STARD9: variants seen among roughly 807,000 people sequenced by gnomAD.
STARD9 encodes stAR-related lipid transfer protein 9.
A neutral mutation model predicts 399.8 loss-of-function variants in STARD9; 346 were observed. That is an observed-to-expected ratio of 0.87 (90% confidence interval 0.79 to 0.95). The LOEUF (loss-of-function observed/expected upper bound fraction) is 0.95, where lower values mean the gene tolerates loss of function less well. STARD9 is among the 40% of genes least tolerant of loss of function. STARD9 has a pLI of 0.00. For missense variants in STARD9, 5,832 were observed against 5,667.5 expected (o/e 1.03, Z -0.93); for synonymous variants, 2,203 against 2,143.5 (o/e 1.03, Z -0.77).
intron 26 of STARD9, among the ~76,000 whole-genome samples, chr15:42,700,015 A>T (rs528134561): frequency 1.3e-5 from 2 of 152,188 alleles, no homozygotes; most frequent in Non-Finnish European, 2.9e-5. Context: ...TAGATTCCGC[A>T]TATGAGTAAG....
chr15:42,691,805 G>C lies in STARD9; in HGVS notation c.10227G>C (p.Met3409Ile), dbSNP rs1383624635. The C allele has an allele frequency of 4.6e-6, 7 of 1,537,222 alleles. No homozygotes were observed. The highest frequency in any genetic ancestry group is 1.4e-5 in the African/African-American group (1 of 73,156). Residue 3409 changes from methionine to isoleucine, a missense_variant, in exon 23 of 33, where the codon ATG (methionine) becomes ATC (isoleucine). Physicochemically the swap from Met to Ile is conservative, Grantham distance 10. Transcript: ENST00000290607. Reference protein sequence around the residue: ...HLKPATPPYPMPSTLSHMPTP... With the variant: ...HLKPATPPYPIPSTLSHMPTP... ...AGCCTGCCACCCCTCCTTATCCAAT[G>C]CCTTCCACTCTCTCACACATGCCAA...
At chr15:42,577,017 C>T (rs1449816216) in intron 1 of STARD9, among the ~76,000 whole-genome samples, 1 of 152,142 alleles carries the variant, frequency 6.6e-6, no homozygotes, top group African/African-American at 2.4e-5. Context: ...TTTATAAGTG[C>T]AGATGCTATG....
rs12594837 is a variant in STARD9, at chr15:42,685,092, C to G, written c.3514C>G (p.Arg1172Gly). ...AGGGGGCAATCGTCCCACCAACAAC[C>G]GTGGCCAACCCAGGACCAGAACTAG... ...RLGGNRPTNNRGQPRTRTRAS... is the reference protein window; with the variant it reads ...RLGGNRPTNNGGQPRTRTRAS... The change falls in exon 23 of 33, where the codon CGT (arginine) becomes GGT (glycine). Residue 1172 changes from arginine to glycine, a missense_variant. Transcript: ENST00000290607. 61 of 1,537,078 alleles carry G rather than the reference C, an allele frequency of 4.0e-5. No individual in the cohort carries two copies. The highest frequency in any genetic ancestry group is 4.8e-5 in the Non-Finnish European group (55 of 1,146,932).
At chr15:42,596,812 T>G (rs1181065700) in intron 3 of STARD9, among the ~76,000 whole-genome samples, 1 of 152,226 alleles carries the variant, frequency 6.6e-6, no homozygotes, top group Admixed American at 6.5e-5. Flanking sequence ...TTAAAATATT[T>G]TGCTTAAAGG....
At chr15:42,665,067 G>C (rs1344336131) in intron 13 of STARD9, among the ~76,000 whole-genome samples, 186 bp from the exon 14 acceptor site, 1 of 152,108 alleles carries the variant, frequency 6.6e-6, no homozygotes, top group Non-Finnish European at 1.5e-5. Context: ...GGGCCAAACT[G>C]TGCGTTTCTA....
chr15:42,625,645 C>CTTTTTT (rs757765153), intron 3 of STARD9, among the ~76,000 whole-genome samples: 1 of 24,282 alleles, frequency 4.1e-5, no homozygotes, highest in East Asian at 2.1e-3. Context: ...TTTCTTCTTC[C>CTTTTTT]TATTTTTTTT....
At chr15:42,580,035 G>A (rs1349677103) in intron 1 of STARD9, among the ~76,000 whole-genome samples, 1 of 152,154 alleles carries the variant, frequency 6.6e-6, no homozygotes, top group African/African-American at 2.4e-5. Context: ...CAAGCAGGGA[G>A]GAATGGCAGA....
At chr15:42,629,779 G>A (rs894834479) in intron 3 of STARD9, 1 of 151,870 alleles carries the variant, frequency 6.6e-6, no homozygotes, top group African/African-American at 2.4e-5. Context: ...TTGTGTTGAG[G>A]TATGTTCCTT....
rs1020461635 is a variant in STARD9 at position 42,720,730 on chromosome 15, G to A, written c.*1156G>A. ...TGGGGATTCAGAAGATGTGGTAAAG[G>A]TCTATTTCTGTAGTGTGGCAGAGAT... On this transcript the variant is annotated 3_prime_UTR_variant, in exon 33 of 33. Transcript: ENST00000290607. 6.6e-6 allele frequency: 1 copy of A among 152,168 alleles called. No individual in the cohort carries two copies. Among genetic ancestry groups the A allele is most frequent in the Non-Finnish European group, 1.5e-5 (1 of 68,028 alleles). 9.4% of individuals were successfully genotyped at this position (152,168 alleles called of 1,614,324 possible). A position where few individuals can be genotyped will look rare whatever the true frequency, so the allele number is the denominator to read the frequency against.
Position 42,694,729 on chromosome 15 carries a change from G to A in STARD9, c.12962+4G>A. The A allele has an allele frequency of 6.5e-6, 10 of 1,536,824 alleles. No homozygotes were observed. Among genetic ancestry groups the A allele is most frequent in the Non-Finnish European group, 8.7e-6 (10 of 1,146,620 alleles). Reference sequence around the variant, plus strand: ...AGGATGTTGTGGAGACCACCAGGTAGTGTGGACCGAGAACCCTGCTGGGAG... The same window carrying A: ...AGGATGTTGTGGAGACCACCAGGTAATGTGGACCGAGAACCCTGCTGGGAG... On this transcript the variant is annotated splice_donor_region_variant and intron_variant, in intron 24 of 32. Coordinates refer to ENST00000290607, the MANE Select transcript of STARD9 (RefSeq NM_020759.3).
chr15:42,670,374 T>C (rs1418123774), intron 16 of STARD9: 4 of 152,260 alleles, frequency 2.6e-5, no homozygotes, highest in African/African-American at 9.6e-5. Flanking sequence ...CCCACCTGGC[T>C]CTGTGTCACC....
At position 42,719,680 on chromosome 15, in the gene STARD9, G is replaced by A. The variant is rs2061416861; in HGVS notation, c.*106G>A. The A allele has an allele frequency of 4.0e-6, 3 of 744,874 alleles. No homozygotes were observed. In the East Asian group the frequency reaches 8.1e-5, roughly 20 times the overall value. The allele number at this position is 744,874 out of a possible 1,614,324, so 46.1% of individuals were successfully genotyped here. ...TCCATACCACAGTGCAGGAAAAGCT[G>A]ATGCTACCTGCTGTGGCCGATTGGG... On this transcript the variant is annotated 3_prime_UTR_variant, in exon 33 of 33. Transcript: ENST00000290607.
Position 42,663,783 on chromosome 15 carries a change from G to A in STARD9, c.1079-37G>A, listed in dbSNP as rs138772982. Reference sequence around the variant, plus strand: ...AAGTGATTAAGAGCTGGGATGGATGGGCTGGCATGTTTTTAAACTTTCTCC... The same window carrying A: ...AAGTGATTAAGAGCTGGGATGGATGAGCTGGCATGTTTTTAAACTTTCTCC... On this transcript the variant is annotated intron_variant, in intron 12 of 32. Coordinates refer to ENST00000290607, the MANE Select transcript of STARD9 (RefSeq NM_020759.3). The A allele has an allele frequency of 1.6e-4, 223 of 1,413,044 alleles. 1 individual carries two copies. The East Asian group carries it at 5.5e-3, about 35-fold the overall frequency. 87.5% of individuals were successfully genotyped at this position (1,413,044 alleles called of 1,614,324 possible).
chr15:42,685,013 A>C lies in STARD9; in HGVS notation c.3435A>C (p.Gln1145His). Residue 1145 changes from glutamine to histidine, a missense_variant, in exon 23 of 33, where the codon CAA (glutamine) becomes CAC (histidine). By Grantham distance (24) the Gln-to-His change is conservative. Coordinates refer to ENST00000290607, the MANE Select transcript of STARD9 (RefSeq NM_020759.3). ...AGAACTCTGAAAGTGATGACAGCCA[A>C]CTATCTGAGGACTCACTGGCTGAGA... ...EPENSESDDS[Q>H]LSEDSLAEKR... 6.5e-7 allele frequency: 1 copy of C among 1,537,168 alleles called. No individual in the cohort carries two copies. Among genetic ancestry groups the C allele is most frequent in the African/African-American group, 1.4e-5 (1 of 73,182 alleles).
chr15:42,658,138 T>G (rs896135363), intron 9 of STARD9, among the ~76,000 whole-genome samples: 1 of 152,064 alleles, frequency 6.6e-6, no homozygotes, highest in African/African-American at 2.4e-5. Flanking sequence ...AATTTCAAAC[T>G]TTTGTACTTT....
rs1293058839 is a variant in STARD9, at chr15:42,658,498, AATGAGACTG to A, written c.703-2657_703-2649del. ...GCCTTTTGCACTTTTTTTTTTTTTT[AATGAGACTG>A]ATTCTTGCTCTGTCACCCAGGCTGG... On this transcript the variant is annotated intron_variant, in intron 9 of 32. Transcript: ENST00000290607. Among the ~76,000 whole-genome samples, 75 of 102,262 alleles carry A rather than the reference AATGAGACTG, an allele frequency of 7.3e-4. 1 individual carries two copies. The East Asian group carries it at 0.017, about 23-fold the overall frequency. 67.1% of individuals were successfully genotyped at this position (102,262 alleles called of 152,430 possible).
Position 42,685,311 on chromosome 15 carries a change from G to A in STARD9, c.3733G>A (p.Val1245Ile), listed in dbSNP as rs751865130. The A allele has an allele frequency of 7.2e-6, 11 of 1,537,432 alleles. No homozygotes were observed. The South Asian group carries it at 9.5e-5, about 13-fold the overall frequency. Residue 1245 changes from valine (V) to isoleucine (I), a missense_variant, in exon 23 of 33, where the codon GTA (valine) becomes ATA (isoleucine). Physicochemically the swap from Val to Ile is conservative, Grantham distance 29. Around this residue, in one of 2 missense-constraint regions of STARD9, gnomAD observed 5,828 missense variants for 5,651.1 expected, o/e 1.03. Coordinates refer to ENST00000290607, the MANE Select transcript of STARD9 (RefSeq NM_020759.3). ...FWHLEDSSLP[V>I]MDQEAICRLG... is the part of the protein sequence containing the mutation. Reference sequence around the variant, plus strand: ...GCACCTGGAGGACTCTAGTCTGCCTGTAATGGACCAAGAGGCAATATGCAG... The same window carrying A: ...GCACCTGGAGGACTCTAGTCTGCCTATAATGGACCAAGAGGCAATATGCAG...
chr15:42,657,114 T>C (rs370936012), intron 9 of STARD9, among the ~76,000 whole-genome samples: 8 of 152,266 alleles, frequency 5.3e-5, no homozygotes, highest in African/African-American at 1.9e-4. Context: ...CCCAGCACTT[T>C]GGGAAGCCGA....
chr15:42,718,218 T>G lies in STARD9; in HGVS notation c.13762+39T>G, dbSNP rs529979641. On this transcript the variant is annotated intron_variant, in intron 30 of 32. Transcript: ENST00000290607. ...AGGAAGGCTTCCATGGGGCCTAGTTTCTGGTGTGCCCAGTGGGGTCTTGCT... is the reference window on the plus strand; with the variant it reads ...AGGAAGGCTTCCATGGGGCCTAGTTGCTGGTGTGCCCAGTGGGGTCTTGCT... The G allele has an allele frequency of 2.3e-4, 355 of 1,518,510 alleles. 1 individual carries two copies. The African/African-American group carries it at 3.3e-3, about 14-fold the overall frequency. The allele number at this position is 1,518,510 out of a possible 1,614,324, so 94.1% of individuals were successfully genotyped here.
Sources: gnomAD v4.1 joint callset for allele counts (sites outside exome capture counted in the v4.1 genomes callset) on GRCh38, gnomAD v4.1.1 for gene constraint, gnomAD v4.1.1 regional missense constraint, MANE v1.5 for transcripts, NCBI Gene and HGNC (gene_info 2026-07-23, HGNC 2026-07-21) for gene names.